Variants in GALNT17 observed in about 807,000 individuals in gnomAD.
GALNT17 encodes UDP-GalNAc:polypeptide N-acetylgalactosaminyltransferase-like 3.
A neutral mutation model predicts 63.7 loss-of-function variants in GALNT17; 29 were observed. The observed-to-expected ratio is 0.46, with a 90% CI of 0.34 to 0.62. The LOEUF is 0.62. GALNT17 is among the 20% of genes least tolerant of loss of function. GALNT17 has a pLI of 0.01. For missense variants in GALNT17, 603 were observed against 799.6 expected, an observed-to-expected ratio of 0.75 and a Z score of 2.97; for synonymous variants, 305 against 318.3, an observed-to-expected ratio of 0.96 and a Z score of 0.45.
intron 6 of GALNT17, among the ~76,000 whole-genome samples, chr7:71,652,378 G>A (rs1300031535): frequency 6.6e-6 from 1 of 152,132 alleles, no homozygotes; most frequent in Non-Finnish European, 1.5e-5. Flanking sequence ...TAGGAGGAAA[G>A]CCATTATGCA....
rs1312224116 is a variant in GALNT17 at position 71,665,521 on chromosome 7, TG to T, written c.1192del (p.Ala398LeufsTer18). The part of the protein sequence containing the change: ...SNIGFYTKRN[A>X]LRVAEVWMDD... ...ACATTGGCTTCTACACCAAGAGGAA[TG>T]CTCTTCGCGTTGCTGAGGTCTGGAT... is the stretch of plus-strand genomic sequence containing the variant. On this transcript the variant is annotated frameshift_variant, in exon 7 of 11. Coordinates refer to ENST00000333538, the MANE Select transcript of GALNT17 (RefSeq NM_022479.3). LOFTEE classifies it high-confidence loss of function. The T allele has an allele frequency of 6.2e-7, 1 of 1,613,940 alleles. No individual in the cohort carries two copies. The highest frequency in any genetic ancestry group is 8.5e-7 in the Non-Finnish European group (1 of 1,180,024).
At position 71,491,100 on chromosome 7, in the gene GALNT17, A is replaced by G. The variant is rs1318873699; in HGVS notation, c.962+69995A>G. Among the ~76,000 whole-genome samples the G allele has an allele frequency of 2.6e-5, 4 of 152,340 alleles. No individual in the cohort carries two copies. In the East Asian group the frequency reaches 7.7e-4, roughly 29 times the overall value. On this transcript the variant is annotated intron_variant, in intron 5 of 10. Transcript: ENST00000333538. ...TCCCAGCTACTAGGGAGGCTGAGGC[A>G]GGAGAATCACTTGAACCCAGGAGGC...
intron 6 of GALNT17, among the ~76,000 whole-genome samples, chr7:71,633,998 A>G (rs1022688325): frequency 1.4e-4 from 22 of 152,308 alleles, no homozygotes; most frequent in African/African-American, 4.8e-4. Flanking sequence ...CCTCCTGTCT[A>G]TTAAACTCTC....
chr7:71,643,438 A>C (rs1295734531), intron 6 of GALNT17, among the ~76,000 whole-genome samples: 1 of 152,196 alleles, frequency 6.6e-6, no homozygotes, highest in Non-Finnish European at 1.5e-5. Flanking sequence ...ACTACACTCC[A>C]ACCTGGGCCA....
intron 1 of GALNT17, among the ~76,000 whole-genome samples, chr7:71,334,156 G>A (rs1025016494): frequency 2.6e-5 from 4 of 152,150 alleles, no homozygotes; most frequent in South Asian, 2.1e-4. Context: ...CTCGTCTGAC[G>A]GTGCTCGTTC....
At chr7:71,423,285 A>G (rs932324957) in intron 5 of GALNT17, among the ~76,000 whole-genome samples, 1 of 152,202 alleles carries the variant, frequency 6.6e-6, no homozygotes, top group Non-Finnish European at 1.5e-5. Flanking sequence ...GTTGCATATC[A>G]AAAGGACTTT....
At chr7:71,327,323 G>A (rs979638414) in intron 1 of GALNT17, among the ~76,000 whole-genome samples, 1 of 152,156 alleles carries the variant, frequency 6.6e-6, no homozygotes, top group Admixed American at 6.5e-5. Context: ...GGTGGAAGGG[G>A]AAAGGCATGT....
chr7:71,713,125 T>C lies in GALNT17; in HGVS notation c.*979T>C, dbSNP rs998183135. ...AAGAGTATTTTTTTCGATTGCCCTC[T>C]GGTTAGGGTGCACATATAAATCAGA... is the stretch of plus-strand genomic sequence containing the variant. On this transcript the variant is annotated 3_prime_UTR_variant, in exon 11 of 11. Transcript: ENST00000333538. 6.5e-6 allele frequency: 1 copy of C among 152,684 alleles called. No individual in the cohort carries two copies. The highest frequency in any genetic ancestry group is 2.4e-5 in the African/African-American group (1 of 41,432). The allele number at this position is 152,684 out of a possible 1,614,324, so 9.5% of individuals were successfully genotyped here. A position where few individuals can be genotyped will look rare whatever the true frequency, so the allele number is the denominator to read the frequency against.
chr7:71,565,277 A>C (rs1162193100), intron 5 of GALNT17, among the ~76,000 whole-genome samples: 1 of 151,486 alleles, frequency 6.6e-6, no homozygotes, highest in South Asian at 2.1e-4. Flanking sequence ...AAGAAAAAAA[A>C]AATCAGGCTC....
In GALNT17 at chr7:71,675,399, G is replaced by A. The variant is rs1249932723; in HGVS notation, c.1405-1812G>A. 2.0e-5 allele frequency among the ~76,000 whole-genome samples: 3 copies of A among 152,132 alleles called. 1 individual carries two copies. Among genetic ancestry groups the A allele is most frequent in the Non-Finnish European group, 1.5e-5 (1 of 68,022 alleles). On this transcript the variant is annotated intron_variant, in intron 8 of 10. Coordinates refer to ENST00000333538, the MANE Select transcript of GALNT17 (RefSeq NM_022479.3). ...AGAAACATTAGAACAAAGTTTAAAA[G>A]CCTGGCAGCCTCAAATCATGACGTA...
At chr7:71,505,338 C>T (rs552441201) in intron 5 of GALNT17, among the ~76,000 whole-genome samples, 62 of 152,124 alleles carry the variant, frequency 4.1e-4, no homozygotes, top group South Asian at 2.3e-3. Flanking sequence ...GTGGCTCACA[C>T]CTGTAATTCT....
chr7:71,592,843 G>A (rs1789829962), intron 6 of GALNT17, among the ~76,000 whole-genome samples: 1 of 152,172 alleles, frequency 6.6e-6, no homozygotes, highest in Non-Finnish European at 1.5e-5. Flanking sequence ...TATTGTGGAA[G>A]CTCTTACTTA....
chr7:71,250,238 T>C (rs2116487892), intron 1 of GALNT17, among the ~76,000 whole-genome samples: 1 of 152,310 alleles, frequency 6.6e-6, no homozygotes, highest in South Asian at 2.1e-4. Flanking sequence ...TATTTATGGA[T>C]GCCATAGGCT....
At chr7:71,265,118 A>ATATATATT (rs1390488895) in intron 1 of GALNT17, among the ~76,000 whole-genome samples, 5 of 37,458 alleles carry the variant, frequency 1.3e-4, no homozygotes, top group African/African-American at 2.1e-4. Flanking sequence ...ATATATATAT[A>ATATATATT]TTTTTTTTTT....
intron 1 of GALNT17, among the ~76,000 whole-genome samples, chr7:71,277,310 A>G (rs1790699963): frequency 6.6e-6 from 1 of 152,140 alleles, no homozygotes; most frequent in African/African-American, 2.4e-5. Context: ...ATAGACATAA[A>G]GATGGAAATG....
chr7:71,688,843 G>A (rs992352556), intron 9 of GALNT17, among the ~76,000 whole-genome samples: 13 of 152,146 alleles, frequency 8.5e-5, no homozygotes, highest in African/African-American at 2.9e-4. Context: ...ATTTCATAGC[G>A]TTTCACTTTA....
chr7:71,575,271 A>G (rs1435379956), intron 6 of GALNT17, among the ~76,000 whole-genome samples: 2 of 152,240 alleles, frequency 1.3e-5, no homozygotes, highest in African/African-American at 2.4e-5. Context: ...ATGCATATAT[A>G]TAATTTTCAT....
chr7:71,561,424 A>T (rs1789254164), intron 5 of GALNT17, among the ~76,000 whole-genome samples: 1 of 152,194 alleles, frequency 6.6e-6, no homozygotes, highest in Non-Finnish European at 1.5e-5. Flanking sequence ...AGACATTCAT[A>T]CCAGGACAAC....
intron 1 of GALNT17, among the ~76,000 whole-genome samples, chr7:71,156,735 T>C (rs185643191): frequency 3.3e-5 from 5 of 149,716 alleles, no homozygotes; most frequent in Non-Finnish European, 5.9e-5. Context: ...TTCTTTTCTT[T>C]CCTCTTGCTC....
Sources: allele counts gnomAD v4.1 joint callset (sites outside exome capture counted in the v4.1 genomes callset), GRCh38; gene constraint gnomAD v4.1.1; transcripts MANE v1.5; gene names NCBI Gene and HGNC (gene_info 2026-07-23, HGNC 2026-07-21).